SGCZ: variants seen among roughly 807,000 people sequenced by gnomAD.
SGCZ encodes sarcoglycan zeta, also known as zeta-sarcoglycan.
SGCZ carries 40 observed loss-of-function variants against 41.3 expected under a neutral mutation model. The ratio of observed to expected loss-of-function variants is 0.97; its 90% CI spans 0.75 to 1.26. The LOEUF (loss-of-function observed/expected upper bound fraction) is 1.26. SGCZ is among the 50% of genes most tolerant of loss of function. The probability of loss-of-function intolerance (pLI) is 0.00; values close to 1 mark genes in which losing one functional copy is unlikely to be tolerated. For synonymous variants in SGCZ, 206 were observed against 137.5 expected (o/e 1.50, Z -3.49); for missense variants, 552 against 369.8 (o/e 1.49, Z -4.04).
chr8:15,033,023 G>A (rs1803738105), intron 1 of SGCZ, among the ~76,000 whole-genome samples: 1 of 152,076 alleles, frequency 6.6e-6, no homozygotes, highest in Admixed American at 6.5e-5. Flanking sequence ...AGCGCCTGTG[G>A]ACACAAGCTC....
chr8:14,183,255 AG>A (rs1274957168), intron 4 of SGCZ, among the ~76,000 whole-genome samples: 1 of 148,258 alleles, frequency 6.7e-6, no homozygotes, highest in African/African-American at 2.6e-5. Context: ...GTAGTATTAT[AG>A]AAACTACAGA....
chr8:14,991,486 T>G (rs1380428039), intron 1 of SGCZ, among the ~76,000 whole-genome samples: 7 of 152,144 alleles, frequency 4.6e-5, no homozygotes, highest in Admixed American at 4.6e-4. Context: ...TTTGAGTGGC[T>G]CATAAATGTC....
intron 3 of SGCZ, among the ~76,000 whole-genome samples, chr8:14,311,830 A>T (rs1215954126): frequency 6.6e-6 from 1 of 152,210 alleles, no homozygotes; most frequent in Non-Finnish European, 1.5e-5. Context: ...TGTAATAAAA[A>T]GTTTAAAAAT....
intron 1 of SGCZ, among the ~76,000 whole-genome samples, chr8:14,762,472 G>C (rs137891703): frequency 6.6e-6 from 1 of 152,172 alleles, no homozygotes; most frequent in Non-Finnish European, 1.5e-5. Flanking sequence ...AGGTAAAGGG[G>C]TTAATTTATG....
intron 1 of SGCZ, among the ~76,000 whole-genome samples, chr8:14,676,430 G>A (rs574503261): frequency 6.6e-6 from 1 of 151,982 alleles, no homozygotes; most frequent in East Asian, 1.9e-4. Context: ...GAGACAGGAG[G>A]ATCACTTGAG....
At chr8:14,990,412 A>G (rs575976561) in intron 1 of SGCZ, among the ~76,000 whole-genome samples, 1 of 152,184 alleles carries the variant, frequency 6.6e-6, no homozygotes, top group South Asian at 2.1e-4. Context: ...CTGCATCTGT[A>G]CTTTCAGCCG....
rs1754132072 is a variant in SGCZ at position 14,289,657 on chromosome 8, C to G, written c.336+34446G>C. On this transcript the variant is annotated intron_variant, in intron 3 of 7. Transcript: ENST00000382080. ...TGTATAGAAAGGCCAGAAATAAACT[C>G]ACACATTTATAGCCAACTGATATTG... is the stretch of plus-strand genomic sequence containing the variant. 2.6e-5 allele frequency among the ~76,000 whole-genome samples: 4 copies of G among 151,822 alleles called. No individual in the cohort carries two copies. In the South Asian group the frequency reaches 8.3e-4, roughly 32 times the overall value.
Position 14,702,840 on chromosome 8 carries a change from G to C in SGCZ, c.40-147914C>G, listed in dbSNP as rs552740438. ...AGATAGATAGATAGATAGATAGATA[G>C]ATAGATAGATAGATAGATAGATAGA... On this transcript the variant is annotated intron_variant, in intron 1 of 7. Transcript: ENST00000382080. 5.3e-3 allele frequency among the ~76,000 whole-genome samples: 514 copies of C among 96,550 alleles called. 5 individuals are homozygous for C. Among genetic ancestry groups the C allele is most frequent in the African/African-American group, 0.016 (491 of 29,814 alleles). The allele number at this position is 96,550 out of a possible 152,430, so 63.3% of individuals were successfully genotyped here.
intron 1 of SGCZ, among the ~76,000 whole-genome samples, chr8:15,078,176 T>TTG (rs1805613153): frequency 7.3e-6 from 1 of 137,154 alleles, no homozygotes; most frequent in Non-Finnish European, 1.5e-5. Flanking sequence ...TTTTTTTTTT[T>TTG]GCGTAATGAA....
intron 1 of SGCZ, among the ~76,000 whole-genome samples, chr8:14,839,493 GTTA>G (rs781078452): frequency 3.3e-5 from 5 of 152,132 alleles, no homozygotes; most frequent in Non-Finnish European, 5.9e-5. Flanking sequence ...AAATTTGAGA[GTTA>G]TTATTGTTTT....
chr8:14,600,684 G>T (rs1805562306), intron 1 of SGCZ, among the ~76,000 whole-genome samples: 1 of 152,130 alleles, frequency 6.6e-6, no homozygotes, highest in Admixed American at 6.5e-5. Flanking sequence ...CTCTGATTCA[G>T]CCTGTGATGG....
Position 14,543,450 on chromosome 8 carries a change from T to C in SGCZ, c.234+11282A>G, listed in dbSNP as rs993625940. 7.9e-5 allele frequency among the ~76,000 whole-genome samples: 12 copies of C among 152,190 alleles called. No individual in the cohort carries two copies. The East Asian group carries it at 1.9e-3, about 25-fold the overall frequency. On this transcript the variant is annotated intron_variant, in intron 2 of 7. Coordinates refer to ENST00000382080, the MANE Select transcript of SGCZ (RefSeq NM_139167.4). ...ATTACATGATTGGGTAAAAATGAAG[T>C]CTAGACAGCCTCCATCATTATCCTG...
intron 1 of SGCZ, among the ~76,000 whole-genome samples, chr8:15,108,355 C>T (rs1224221451): frequency 6.6e-6 from 1 of 152,088 alleles, no homozygotes; most frequent in African/African-American, 2.4e-5. Context: ...CTACCCTATG[C>T]CCTGCTTCTC....
intron 1 of SGCZ, among the ~76,000 whole-genome samples, chr8:14,738,229 G>A (rs1192234229): frequency 6.6e-6 from 1 of 151,828 alleles, no homozygotes; most frequent in East Asian, 1.9e-4. Flanking sequence ...TTTCTAAGGG[G>A]GAATCATCTT....
chr8:14,491,718 T>C (rs1395908693), intron 2 of SGCZ, among the ~76,000 whole-genome samples: 6 of 152,210 alleles, frequency 3.9e-5, no homozygotes. Flanking sequence ...TGTTACACTG[T>C]CCAGTAACTC....
chr8:14,228,880 T>A (rs1368024681), intron 4 of SGCZ, among the ~76,000 whole-genome samples: 1 of 152,156 alleles, frequency 6.6e-6, no homozygotes, highest in Non-Finnish European at 1.5e-5. Flanking sequence ...CATATAGGCA[T>A]GAATGATTTT....
At chr8:14,272,988 A>T (rs1468031909) in intron 3 of SGCZ, among the ~76,000 whole-genome samples, 1 of 152,026 alleles carries the variant, frequency 6.6e-6, no homozygotes, top group African/African-American at 2.4e-5. Context: ...TTAGAAATAA[A>T]CAAAGTTACA....
At chr8:15,052,582 T>C (rs1205115787) in intron 1 of SGCZ, among the ~76,000 whole-genome samples, 13 of 152,114 alleles carry the variant, frequency 8.5e-5, no homozygotes, top group Admixed American at 8.5e-4. Flanking sequence ...AGTAGTGTAT[T>C]TTCTGAGGCT....
intron 3 of SGCZ, among the ~76,000 whole-genome samples, chr8:14,281,736 A>C (rs1800448181): frequency 6.6e-6 from 1 of 152,076 alleles, no homozygotes; most frequent in South Asian, 2.1e-4. Context: ...ATTTGTGTCA[A>C]TACAAAACAC....
Sources: gnomAD v4.1 joint callset for allele counts (sites outside exome capture counted in the v4.1 genomes callset) on GRCh38, gnomAD v4.1.1 for gene constraint, MANE v1.5 for transcripts, NCBI Gene and HGNC (gene_info 2026-07-23, HGNC 2026-07-21) for gene names.